Variants in FHIT observed in about 807,000 individuals in gnomAD.
FHIT encodes fragile histidine triad diadenosine triphosphatase, also known as bis(5'-adenosyl)-triphosphatase.
Under a neutral mutation model 17.9 loss-of-function variants are expected in FHIT, and 19 were observed. That is an observed-to-expected ratio of 1.06 (90% CI 0.74 to 1.56). FHIT has a LOEUF of 1.56. Ranked by LOEUF, FHIT falls within the 40% of genes most tolerant of loss-of-function variation. The pLI is 0.00. For missense variants in FHIT, 248 were observed against 189.2 expected, an observed-to-expected ratio of 1.31 and a Z score of -1.82; for synonymous variants, 81 against 69.7, an observed-to-expected ratio of 1.16 and a Z score of -0.81.
intron 5 of FHIT, among the ~76,000 whole-genome samples, chr3:60,226,892 G>C (rs1704234351): frequency 1.4e-5 from 2 of 139,366 alleles, no homozygotes; most frequent in Admixed American, 1.4e-4. Flanking sequence ...TTCTCCTCTG[G>C]CTAGAACATC....
chr3:60,406,735 A>T (rs1701874700), intron 5 of FHIT, among the ~76,000 whole-genome samples: 5 of 152,146 alleles, frequency 3.3e-5, no homozygotes, highest in African/African-American at 1.2e-4. Context: ...CCAGCAGCCC[A>T]ACCATTCCAT....
chr3:60,862,851 C>CAAA (rs35183529), intron 3 of FHIT, among the ~76,000 whole-genome samples: 53 of 107,608 alleles, frequency 4.9e-4, no homozygotes, highest in African/African-American at 1.3e-3. Flanking sequence ...AACTCCCTCT[C>CAAA]AAAAAAAAAA....
chr3:60,742,526 A>G lies in FHIT; in HGVS notation c.-18+79393T>C, dbSNP rs141389197. The stretch of plus-strand genomic sequence containing the variant: ...AATGGTAGCTACCCCACTTTGTAAA[A>G]TTAGGCTTTTGTGTCTCTCATAGAA... On this transcript the variant is annotated intron_variant, in intron 4 of 9. Transcript: ENST00000492590. Among the ~76,000 whole-genome samples the G allele has an allele frequency of 5.2e-3, 786 of 152,328 alleles. 2 individuals are homozygous for G. Among genetic ancestry groups the G allele is most frequent in the Non-Finnish European group, 7.8e-3 (528 of 68,024 alleles).
chr3:59,815,601 T>C (rs1306439933), intron 8 of FHIT, among the ~76,000 whole-genome samples: 1 of 152,100 alleles, frequency 6.6e-6, no homozygotes, highest in Non-Finnish European at 1.5e-5. Flanking sequence ...CTGGATGAGA[T>C]TGGAGACTAT....
chr3:60,724,969 A>G (rs187689750), intron 4 of FHIT, among the ~76,000 whole-genome samples: 28 of 151,970 alleles, frequency 1.8e-4, no homozygotes, highest in African/African-American at 6.5e-4. Flanking sequence ...TTTTGCTAAT[A>G]ACCGTCTTAG....
chr3:60,347,179 AAAG>A (rs1434611722), intron 5 of FHIT, among the ~76,000 whole-genome samples: 6 of 152,180 alleles, frequency 3.9e-5, no homozygotes, highest in Admixed American at 3.3e-4. Context: ...GAAAAGTAGT[AAAG>A]AAGAATAGAC....
At chr3:60,651,838 G>C (rs2107808009) in intron 4 of FHIT, among the ~76,000 whole-genome samples, 1 of 152,270 alleles carries the variant, frequency 6.6e-6, no homozygotes. Context: ...CACAAACTCT[G>C]TCTTTAAAAA....
intron 8 of FHIT, among the ~76,000 whole-genome samples, chr3:59,795,061 G>C (rs1245227638): frequency 4.6e-5 from 7 of 152,122 alleles, no homozygotes; most frequent in Non-Finnish European, 4.4e-5. Flanking sequence ...ATGGGGTCTA[G>C]CATACAGTAA....
At chr3:60,588,016 A>C (rs1559560812) in intron 4 of FHIT, among the ~76,000 whole-genome samples, 1 of 151,904 alleles carries the variant, frequency 6.6e-6, no homozygotes, top group Non-Finnish European at 1.5e-5. Context: ...ATTACCATTT[A>C]AAAGCAGTTG....
chr3:60,952,693 C>T (rs1708944438), intron 3 of FHIT, among the ~76,000 whole-genome samples: 2 of 152,070 alleles, frequency 1.3e-5, no homozygotes, highest in African/African-American at 4.8e-5. Context: ...GAAACAAAAC[C>T]CCCATATAGA....
rs558146839 is a variant in FHIT at position 60,594,879 on chromosome 3, G to A, written c.-17-57900C>T. On this transcript the variant is annotated intron_variant, in intron 4 of 9. Transcript: ENST00000492590. ...ATCTTCATCCTTCCCTGCTTCCAAG[G>A]GCTGTGTTTCTGTAGATGAACTGTT... Among the ~76,000 whole-genome samples, 3 of 152,096 alleles carry A rather than the reference G, an allele frequency of 2.0e-5. No homozygotes were observed. In the South Asian group the frequency reaches 6.3e-4, roughly 32 times the overall value.
intron 5 of FHIT, among the ~76,000 whole-genome samples, chr3:60,277,701 G>C (rs926485345): frequency 6.6e-6 from 1 of 152,074 alleles, no homozygotes; most frequent in African/African-American, 2.4e-5. Context: ...CTCTGCCACA[G>C]GCTGGAAGTC....
chr3:60,243,043 G>A (rs1010507830), intron 5 of FHIT, among the ~76,000 whole-genome samples: 1 of 149,734 alleles, frequency 6.7e-6, no homozygotes, highest in East Asian at 2.0e-4. Flanking sequence ...TCAGTGTGAT[G>A]TCAATATTCA....
chr3:60,110,627 T>C (rs2107177159), intron 5 of FHIT, among the ~76,000 whole-genome samples: 1 of 152,318 alleles, frequency 6.6e-6, no homozygotes, highest in Middle Eastern at 3.4e-3. Flanking sequence ...TTTCTTAATC[T>C]GTAAAACAGA....
intron 3 of FHIT, among the ~76,000 whole-genome samples, chr3:60,891,356 G>A (rs532813104): frequency 6.6e-6 from 1 of 152,224 alleles, no homozygotes; most frequent in East Asian, 1.9e-4. Context: ...ACCCAGATCA[G>A]GTTGATCACC....
At chr3:60,455,624 T>C (rs2032041265) in intron 5 of FHIT, among the ~76,000 whole-genome samples, 1 of 152,162 alleles carries the variant, frequency 6.6e-6, no homozygotes, top group Non-Finnish European at 1.5e-5. Flanking sequence ...AAGAGTCATT[T>C]AACTATTATG....
chr3:61,129,289 T>G (rs1436426234), intron 2 of FHIT, among the ~76,000 whole-genome samples: 2 of 152,196 alleles, frequency 1.3e-5, no homozygotes, highest in East Asian at 3.9e-4. Flanking sequence ...ATTGTCGACA[T>G]GAGAAAATGA....
chr3:60,614,309 A>T (rs984542298), intron 4 of FHIT, among the ~76,000 whole-genome samples: 1 of 152,180 alleles, frequency 6.6e-6, no homozygotes, highest in Admixed American at 6.5e-5. Context: ...ATGTTCTAAG[A>T]CTTAAGAATA....
Position 60,895,665 on chromosome 3 carries a change from C to CCTTTCTTTCTTTCTTTCTTT in FHIT, c.-110-73674_-110-73655dup, listed in dbSNP as rs141279352. Among the ~76,000 whole-genome samples, 14 of 107,020 alleles carry CCTTTCTTTCTTTCTTTCTTT rather than the reference C, an allele frequency of 1.3e-4. No individual in the cohort carries two copies. The East Asian group carries it at 1.6e-3, about 12-fold the overall frequency. 70.2% of individuals were successfully genotyped at this position (107,020 alleles called of 152,430 possible). ...CCTTCCTTTCCCTCCTTCCTTCCTT[C>CCTTTCTTTCTTTCTTTCTTT]CTTTCTTTCTTTCTTTCTTTCTTTC... On this transcript the variant is annotated intron_variant, in intron 3 of 9. Transcript: ENST00000492590.
Sources: gnomAD v4.1 joint callset for allele counts (sites outside exome capture counted in the v4.1 genomes callset) on GRCh38, gnomAD v4.1.1 for gene constraint, MANE v1.5 for transcripts, NCBI Gene and HGNC (gene_info 2026-07-23, HGNC 2026-07-21) for gene names.